RBFOX1: variants seen among roughly 807,000 people sequenced by gnomAD.
RBFOX1 encodes RNA binding fox-1 homolog 1, also known as RNA binding protein fox-1 homolog 1.
A neutral mutation model predicts 57.7 loss-of-function variants in RBFOX1; 8 were observed. The ratio of observed to expected loss-of-function variants is 0.14; its 90% CI spans 0.08 to 0.25. RBFOX1 has a LOEUF of 0.25. Among genes scored for constraint, RBFOX1 ranks in the 10% least tolerant of loss-of-function variants. The pLI, the probability that RBFOX1 is intolerant of heterozygous loss-of-function variation, is 1.00. For missense variants in RBFOX1, 611 were observed against 548.5 expected (o/e 1.11, Z -1.14); for synonymous variants, 326 against 222.4 (o/e 1.47, Z -4.15).
chr16:7,367,110 C>T (rs997786361), intron 4 of RBFOX1, among the ~76,000 whole-genome samples: 8 of 150,874 alleles, frequency 5.3e-5, no homozygotes, highest in Non-Finnish European at 7.4e-5. Flanking sequence ...TCATGAAATA[C>T]TGCCGGTGAG....
intron 1 of RBFOX1, among the ~76,000 whole-genome samples, chr16:6,277,961 C>G (rs934095910): frequency 6.6e-6 from 1 of 152,090 alleles, no homozygotes; most frequent in African/African-American, 2.4e-5. Flanking sequence ...GAGTTTAATT[C>G]CAAGTAATCA....
chr16:6,203,249 C>T (rs1024757864), intron 1 of RBFOX1, among the ~76,000 whole-genome samples: 2 of 152,128 alleles, frequency 1.3e-5, no homozygotes, highest in African/African-American at 4.8e-5. Flanking sequence ...CACTTCTGTA[C>T]TTCCCCCTTC....
At chr16:6,743,341 A>G (rs1448707636) in intron 3 of RBFOX1, among the ~76,000 whole-genome samples, 1 of 152,208 alleles carries the variant, frequency 6.6e-6, no homozygotes, top group Non-Finnish European at 1.5e-5. Flanking sequence ...ATTAAATATT[A>G]ATGTTCTAAA....
chr16:7,416,374 A>C (rs777197363), intron 4 of RBFOX1, among the ~76,000 whole-genome samples: 3 of 152,150 alleles, frequency 2.0e-5, no homozygotes, highest in African/African-American at 4.8e-5. Flanking sequence ...AGAGGTTTTT[A>C]TTCCCTGTAG....
chr16:6,323,313 T>A (rs1032105788), intron 2 of RBFOX1, among the ~76,000 whole-genome samples: 3 of 152,150 alleles, frequency 2.0e-5, no homozygotes, highest in Non-Finnish European at 4.4e-5. Flanking sequence ...TTCATCATCT[T>A]ACCCAGTTAA....
intron 4 of RBFOX1, among the ~76,000 whole-genome samples, chr16:7,167,146 T>C (rs946979026): frequency 1.3e-5 from 2 of 151,536 alleles, no homozygotes; most frequent in Non-Finnish European, 2.9e-5. Context: ...TCATCATACG[T>C]GGCTAATTTT....
chr16:7,210,031 G>A (rs954389424), intron 4 of RBFOX1, among the ~76,000 whole-genome samples: 1 of 152,144 alleles, frequency 6.6e-6, no homozygotes, highest in Non-Finnish European at 1.5e-5. Flanking sequence ...TGAAAACCAG[G>A]GATAGCGACG....
intron 4 of RBFOX1, among the ~76,000 whole-genome samples, chr16:7,186,994 C>CAAAAAAAAAAAAAAAAAAAAAAAAAA (rs35177784): frequency 2.5e-4 from 17 of 69,262 alleles, no homozygotes; most frequent in African/African-American, 1.0e-3. Flanking sequence ...CCCACCTCCA[C>CAAAAAAAAAAAAAAAAAAAAAAAAAA]AAAAAAAAAA....
chr16:7,545,820 A>G (rs1425624505), intron 5 of RBFOX1, among the ~76,000 whole-genome samples: 2 of 152,020 alleles, frequency 1.3e-5, no homozygotes, highest in African/African-American at 4.8e-5. Flanking sequence ...CTGAATAACC[A>G]TCATCAAGTC....
chr16:6,237,401 G>T (rs920746518), intron 1 of RBFOX1, among the ~76,000 whole-genome samples: 1 of 152,226 alleles, frequency 6.6e-6, no homozygotes, highest in East Asian at 1.9e-4. Flanking sequence ...TATTATAGTG[G>T]GGTTCAGAGA....
At position 5,727,444 on chromosome 16, in the gene RBFOX1, C is replaced by G. The variant is rs138577907; in HGVS notation, c.318+128483C>G. 6.0e-4 allele frequency among the ~76,000 whole-genome samples: 91 copies of G among 152,302 alleles called. 1 individual carries two copies. In the South Asian group the frequency reaches 0.018, roughly 31 times the overall value. On this transcript the variant is annotated intron_variant, in intron 3 of 19. Transcript: ENST00000641259. ...CGTATATACTGTGAAACGCTCACCACAATTGAAGTAACATACCCATTACCT... is the reference window on the plus strand; with the variant it reads ...CGTATATACTGTGAAACGCTCACCAGAATTGAAGTAACATACCCATTACCT...
intron 10 of RBFOX1, among the ~76,000 whole-genome samples, chr16:7,621,140 A>G (rs765768385): frequency 1.3e-5 from 2 of 152,206 alleles, no homozygotes; most frequent in African/African-American, 4.8e-5. Flanking sequence ...TAGTCTTATC[A>G]TCTATATATT....
intron 3 of RBFOX1, among the ~76,000 whole-genome samples, chr16:6,932,808 C>G (rs1308467564): frequency 6.6e-6 from 1 of 152,146 alleles, no homozygotes; most frequent in Non-Finnish European, 1.5e-5. Context: ...AATATAGTCA[C>G]ACTGTTGTGT....
chr16:7,080,808 T>C (rs114710046), intron 4 of RBFOX1, among the ~76,000 whole-genome samples: 1,530 of 152,306 alleles, frequency 0.01, 29 homozygotes, highest in African/African-American at 0.035. Flanking sequence ...CAACAAACTC[T>C]TGACTGGCCT....
At chr16:6,897,564 C>T (rs2067250223) in intron 3 of RBFOX1, among the ~76,000 whole-genome samples, 1 of 152,174 alleles carries the variant, frequency 6.6e-6, no homozygotes, top group Non-Finnish European at 1.5e-5. Context: ...GAGTCCAAGG[C>T]GGGCGGATCA....
intron 4 of RBFOX1, among the ~76,000 whole-genome samples, chr16:5,956,278 TGAAC>T (rs2059637269): frequency 6.6e-6 from 1 of 152,042 alleles, no homozygotes; most frequent in Non-Finnish European, 1.5e-5. Context: ...TGTTTCAAAA[TGAAC>T]AAACAAACAA....
chr16:6,343,610 T>C (rs2084898454), intron 2 of RBFOX1, among the ~76,000 whole-genome samples: 1 of 152,186 alleles, frequency 6.6e-6, no homozygotes, highest in Non-Finnish European at 1.5e-5. Context: ...CAAAACCAAA[T>C]AAGGTATTCA....
At chr16:6,907,908 C>T (rs1416002943) in intron 3 of RBFOX1, among the ~76,000 whole-genome samples, 2 of 151,600 alleles carry the variant, frequency 1.3e-5, no homozygotes, top group Non-Finnish European at 3.0e-5. Flanking sequence ...ATGGGTGCTC[C>T]TTGCTTGTAG....
At chr16:6,956,495 T>A (rs115334366) in intron 3 of RBFOX1, among the ~76,000 whole-genome samples, 1 of 152,250 alleles carries the variant, frequency 6.6e-6, no homozygotes, top group East Asian at 1.9e-4. Flanking sequence ...ATTGAAGATT[T>A]TAATTTCAGA....
Sources: gnomAD v4.1 joint callset for allele counts (sites outside exome capture counted in the v4.1 genomes callset) on GRCh38, gnomAD v4.1.1 for gene constraint, MANE v1.5 for transcripts, NCBI Gene and HGNC (gene_info 2026-07-23, HGNC 2026-07-21) for gene names.